KHDRBS2: variants seen among roughly 807,000 people sequenced by gnomAD.
The protein encoded by KHDRBS2 is KH RNA binding domain containing, signal transduction associated 2.
A neutral mutation model predicts 44.3 loss-of-function variants in KHDRBS2; 26 were observed. The observed-to-expected ratio is 0.59, with a 90% CI of 0.43 to 0.81. KHDRBS2 has a LOEUF of 0.81. KHDRBS2 is among the 40% of genes least tolerant of loss of function. The probability of loss-of-function intolerance (pLI) is 0.00; values close to 1 mark genes in which losing one functional copy is unlikely to be tolerated. For missense variants in KHDRBS2, 476 were observed against 433.1 expected (o/e 1.10, Z -0.88); for synonymous variants, 194 against 151.1 (o/e 1.28, Z -2.08).
chr6:61,931,789 T>C (rs1469938068), intron 4 of KHDRBS2, among the ~76,000 whole-genome samples: 1 of 152,052 alleles, frequency 6.6e-6, no homozygotes, highest in Non-Finnish European at 1.5e-5. Context: ...TGTCTGCCTA[T>C]CCTGCCTCCT....
At chr6:61,666,991 GT>G in the KHDRBS2 span, among the ~76,000 whole-genome samples, 1,482 of 140,514 alleles carry the variant, frequency 0.011, 10 homozygotes, top group East Asian at 0.014. Flanking sequence ...AACCTTCTGG[GT>G]TTTTTTTTTT....
chr6:61,713,267 G>A (rs893929324), intron 7 of KHDRBS2, among the ~76,000 whole-genome samples: 2 of 151,616 alleles, frequency 1.3e-5, no homozygotes, highest in African/African-American at 4.8e-5. Flanking sequence ...TAGCAAAATA[G>A]CAAACCCTTA....
chr6:62,262,613 A>T (rs974535296), intron 1 of KHDRBS2, among the ~76,000 whole-genome samples: 6 of 151,792 alleles, frequency 4.0e-5, no homozygotes, highest in Non-Finnish European at 7.4e-5. Context: ...ATCAAATCTC[A>T]GCTGGAATCT....
intron 2 of KHDRBS2, among the ~76,000 whole-genome samples, chr6:62,120,333 C>CACAT (rs1371331448): frequency 3.3e-5 from 5 of 152,134 alleles, no homozygotes; most frequent in Non-Finnish European, 7.4e-5. Context: ...AGGTCTAGAA[C>CACAT]ACATACCTTT....
chr6:61,772,539 A>G (rs1327239367), intron 6 of KHDRBS2, among the ~76,000 whole-genome samples: 2 of 152,234 alleles, frequency 1.3e-5, no homozygotes, highest in Non-Finnish European at 2.9e-5. Flanking sequence ...AAACACTTAT[A>G]CACAAATAAA....
intron 6 of KHDRBS2, among the ~76,000 whole-genome samples, chr6:61,790,518 T>A (rs1784474663): frequency 6.6e-6 from 1 of 151,554 alleles, no homozygotes; most frequent in Middle Eastern, 3.4e-3. Flanking sequence ...TTTCACATAG[T>A]CCTCAAAATA....
intron 2 of KHDRBS2, among the ~76,000 whole-genome samples, chr6:62,151,182 C>T (rs1269863179): frequency 6.6e-6 from 1 of 152,142 alleles, no homozygotes; most frequent in Non-Finnish European, 1.5e-5. Context: ...TAATGAATTT[C>T]CCTTAGCTTC....
intron 2 of KHDRBS2, among the ~76,000 whole-genome samples, chr6:62,051,634 A>T (rs1189310324): frequency 6.6e-6 from 1 of 152,042 alleles, no homozygotes; most frequent in African/African-American, 2.4e-5. Context: ...AAACAAATAA[A>T]CGGGACTACA....
intron 6 of KHDRBS2, among the ~76,000 whole-genome samples, chr6:61,746,010 T>G (rs1225258931): frequency 6.6e-6 from 1 of 152,130 alleles, no homozygotes. Context: ...GACTTAGTAC[T>G]TAACGTTTTT....
chr6:62,170,619 C>T (rs1353952217), intron 2 of KHDRBS2, among the ~76,000 whole-genome samples: 1 of 152,144 alleles, frequency 6.6e-6, no homozygotes, highest in Admixed American at 6.6e-5. Context: ...CATGTGCACC[C>T]TGCTATACCA....
intron 1 of KHDRBS2, among the ~76,000 whole-genome samples, chr6:62,275,887 A>G (rs775599421): frequency 6.6e-6 from 1 of 152,200 alleles, no homozygotes; most frequent in Non-Finnish European, 1.5e-5. Context: ...TAGGGACAAT[A>G]TTAGCTGCCT....
At chr6:61,862,866 A>C in intron 6 of KHDRBS2, among the ~76,000 whole-genome samples, 1 of 152,028 alleles carries the variant, frequency 6.6e-6, no homozygotes, top group East Asian at 1.9e-4. Context: ...CTCTTCTTCA[A>C]TTTTTTTGGA....
intron 6 of KHDRBS2, among the ~76,000 whole-genome samples, chr6:61,862,133 A>T: frequency 6.6e-6 from 1 of 151,782 alleles, no homozygotes; most frequent in Non-Finnish European, 1.5e-5. Flanking sequence ...CTGGGATGGG[A>T]TTTTGTAGAT....
At chr6:61,954,918 A>AAATG (rs1307668101) in intron 4 of KHDRBS2, among the ~76,000 whole-genome samples, 1 of 52,966 alleles carries the variant, frequency 1.9e-5, no homozygotes, top group Non-Finnish European at 3.5e-5. Flanking sequence ...GCATACATAT[A>AAATG]TATGTATACA....
chr6:61,696,237 T>TTTTATTTATTTATTTATTTA (rs10527202), intron 8 of KHDRBS2, among the ~76,000 whole-genome samples: 3,642 of 146,086 alleles, frequency 0.025, 82 homozygotes, highest in South Asian at 0.065. Flanking sequence ...CATATATGTA[T>TTTTATTTATTTATTTATTTA]TTTATTTATT....
At chr6:62,030,220 A>G (rs1315871496) in intron 3 of KHDRBS2, among the ~76,000 whole-genome samples, 1 of 152,060 alleles carries the variant, frequency 6.6e-6, no homozygotes, top group Non-Finnish European at 1.5e-5. Flanking sequence ...TAAGACAAGA[A>G]TCTTGCAGCA....
intron 2 of KHDRBS2, among the ~76,000 whole-genome samples, chr6:62,145,558 C>A (rs906741923): frequency 4.3e-5 from 6 of 138,552 alleles, no homozygotes; most frequent in East Asian, 2.0e-4. Flanking sequence ...TAAAGTAATT[C>A]TTTTTCTTTC....
At chr6:61,899,703 A>G (rs949882610) in intron 5 of KHDRBS2, among the ~76,000 whole-genome samples, 2 of 150,972 alleles carry the variant, frequency 1.3e-5, no homozygotes, top group Non-Finnish European at 1.5e-5. Context: ...ATTTCATAAA[A>G]TCAAATGCAG....
At chr6:61,570,616 T>C in the KHDRBS2 span, among the ~76,000 whole-genome samples, 1 of 152,184 alleles carries the variant, frequency 6.6e-6, no homozygotes, top group Non-Finnish European at 1.5e-5. Flanking sequence ...AGGCACATAG[T>C]CATCAAGTTA....
Sources: gnomAD v4.1 joint callset for allele counts (sites outside exome capture counted in the v4.1 genomes callset) on GRCh38, gnomAD v4.1.1 for gene constraint, MANE v1.5 for transcripts, NCBI Gene and HGNC (gene_info 2026-07-23, HGNC 2026-07-21) for gene names.